JRK: variants seen among roughly 807,000 people sequenced by gnomAD.
JRK encodes Jrk helix-turn-helix protein.
For missense variants in JRK, 720 were observed against 509.2 expected, an observed-to-expected ratio of 1.41 and a Z score of -3.98; for synonymous variants, 303 against 218.1, an observed-to-expected ratio of 1.39 and a Z score of -3.43.
At chr8:142,649,009 G>A in the JRK span, among the ~76,000 whole-genome samples, 7 of 152,294 alleles carry the variant, frequency 4.6e-5, no homozygotes, top group African/African-American at 9.6e-5. Context: ...TGACCACCCC[G>A]CTGGATTTCA....
In JRK at chr8:142,662,754, G is replaced by A; in HGVS notation, c.*1598C>T. ...CCTTCATGAGAACAGAGGTTTCAGT[G>A]GAATCAACAGCAGACGCTGGAATGC... On this transcript the variant is annotated 3_prime_UTR_variant, in exon 2 of 2. Transcript: ENST00000612905. 1 of 985,456 alleles carries A rather than the reference G, an allele frequency of 1.0e-6. No individual in the cohort carries two copies. Among genetic ancestry groups the A allele is most frequent in the Middle Eastern group, 5.2e-4 (1 of 1,914 alleles). 61.0% of individuals were successfully genotyped at this position (985,456 alleles called of 1,614,324 possible).
At chr8:142,654,922 A>C (rs1291583412), downstream of JRK, among the ~76,000 whole-genome samples, 1 of 147,236 alleles carries the variant, frequency 6.8e-6, no homozygotes, top group African/African-American at 2.5e-5. Flanking sequence ...TCTGGAGGTC[A>C]GCTGCGGAAG....
Position 142,658,971 on chromosome 8 carries a change from A to G in JRK, c.*5381T>C, listed in dbSNP as rs782101941. 1.2e-6 allele frequency: 2 copies of G among 1,607,404 alleles called. No individual in the cohort carries two copies. Among genetic ancestry groups the G allele is most frequent in the Non-Finnish European group, 1.7e-6 (2 of 1,176,658 alleles). On this transcript the variant is annotated 3_prime_UTR_variant, in exon 2 of 2. Transcript: ENST00000612905. ...TGAAACAACAGAACTTTGCTGCTTC[A>G]TGGAGGAGCGTCAGTATGTCCACAC... is the stretch of plus-strand genomic sequence containing the variant.
rs369312503 is a variant in JRK, at chr8:142,664,512, C to G, written c.1547G>C (p.Arg516Pro). ...CFSAQEVGQL[R>P]ALRAVFRSQQ... ...GCTCCGGAACACGGCACGCAGCGCC[C>G]GCAGCTGCCCCACTTCCTGCGCACT... The change falls in exon 2 of 2, where the codon CGG becomes CCG. Residue 516 changes from arginine to proline, a missense_variant. By Grantham distance (103) the Arg-to-Pro change is moderately radical (BLOSUM62 -2). Transcript: ENST00000612905. 1 of 1,609,136 alleles carries G rather than the reference C, an allele frequency of 6.2e-7. No individual in the cohort carries two copies.
chr8:142,665,970 G>T lies in JRK; in HGVS notation c.89C>A (p.Thr30Lys). 1 of 1,075,592 alleles carries T rather than the reference G, an allele frequency of 9.3e-7. No homozygotes were observed. Among genetic ancestry groups the T allele is most frequent in the East Asian group, 2.4e-5 (1 of 42,438 alleles). The allele number at this position is 1,075,592 out of a possible 1,614,324, so 66.6% of individuals were successfully genotyped here. ...CCGGCTCTCGCCCTTCTCCAGGCGC[G>T]TGCAGATGTCAATCTTCTCCTTCAG... is the stretch of plus-strand genomic sequence containing the variant. ...LTLKEKIDICTRLEKGESRKA... is the reference protein window; with the variant it reads ...LTLKEKIDICKRLEKGESRKA... Residue 30 changes from threonine (T) to lysine (K), a missense_variant, in exon 2 of 2, where the codon ACG becomes AAG. Coordinates refer to ENST00000612905, the MANE Select transcript of JRK (RefSeq NM_003724.4).
At position 142,661,689 on chromosome 8, in the gene JRK, C is replaced by T; in HGVS notation, c.*2663G>A. On this transcript the variant is annotated 3_prime_UTR_variant, in exon 2 of 2. Transcript: ENST00000612905. ...TGCTCTGGCAAGCTCCAGGGCTTCC[C>T]AGGGGCCTCAGCAGCCCCAGAAACA... 1.0e-6 allele frequency: 1 copy of T among 985,498 alleles called. No individual in the cohort carries two copies. Among genetic ancestry groups the T allele is most frequent in the Non-Finnish European group, 1.2e-6 (1 of 829,982 alleles). 61.0% of individuals were successfully genotyped at this position (985,498 alleles called of 1,614,324 possible).
In JRK at chr8:142,664,614, C is replaced by G. The variant is rs1554635217; in HGVS notation, c.1445G>C (p.Gly482Ala). ...CGCCTGCTCCCAGGCCACCTCCTCG[C>G]CCTCACCAGGATCTCCTCTGCCGTC... ...DQDGRGDPGE[G>A]EEVAWEQAAV... The change falls in exon 2 of 2, where the codon GGC becomes GCC. Residue 482 changes from glycine to alanine, a missense_variant. By Grantham distance (60) the Gly-to-Ala change is moderately conservative. Coordinates refer to ENST00000612905, the MANE Select transcript of JRK (RefSeq NM_003724.4). 1 of 1,610,446 alleles carries G rather than the reference C, an allele frequency of 6.2e-7. No individual in the cohort carries two copies. The highest frequency in any genetic ancestry group is 1.1e-5 in the South Asian group (1 of 90,550).
At chr8:142,667,376 CT>C (rs1263797648) in intron 1 of JRK, among the ~76,000 whole-genome samples, 1 of 152,148 alleles carries the variant, frequency 6.6e-6, no homozygotes, top group African/African-American at 2.4e-5. Context: ...GCCCGCCCAC[CT>C]GGCTCCACAA....
intron 1 of JRK, among the ~76,000 whole-genome samples, chr8:142,668,355 G>A (rs75743917): frequency 0.031 from 4,791 of 152,294 alleles, 257 homozygotes; most frequent in African/African-American, 0.11. Context: ...CTCTTCCGGA[G>A]TCAGTTTCCT....
At position 142,659,013 on chromosome 8, in the gene JRK, C is replaced by T. The variant is rs1436138287; in HGVS notation, c.*5339G>A. The T allele has an allele frequency of 7.2e-6, 11 of 1,524,530 alleles. No individual in the cohort carries two copies. The highest frequency in any genetic ancestry group is 9.7e-6 in the Non-Finnish European group (11 of 1,130,648). 94.4% of individuals were successfully genotyped at this position (1,524,530 alleles called of 1,614,324 possible). ...TGTCCACACCATAGGGGTGTAGTCA[C>T]TTCCCTCTGCCAGGGAGAATGGTGG... On this transcript the variant is annotated 3_prime_UTR_variant, in exon 2 of 2. Coordinates refer to ENST00000612905, the MANE Select transcript of JRK (RefSeq NM_003724.4).
chr8:142,663,518 G>A lies in JRK; in HGVS notation c.*834C>T. On this transcript the variant is annotated 3_prime_UTR_variant, in exon 2 of 2. Coordinates refer to ENST00000612905, the MANE Select transcript of JRK (RefSeq NM_003724.4). ...AGACGTATTCATGTAAAGGCCATAAGTATGAAATTCTGGGCAACATGGTAC... is the reference window on the plus strand; with the variant it reads ...AGACGTATTCATGTAAAGGCCATAAATATGAAATTCTGGGCAACATGGTAC... 2 of 985,478 alleles carry A rather than the reference G, an allele frequency of 2.0e-6. No individual in the cohort carries two copies. Among genetic ancestry groups the A allele is most frequent in the Non-Finnish European group, 2.4e-6 (2 of 829,946 alleles). The allele number at this position is 985,478 out of a possible 1,614,324, so 61.0% of individuals were successfully genotyped here.
chr8:142,666,030 C>A lies in JRK; in HGVS notation c.29G>T (p.Ser10Ile), dbSNP rs1554636037. 6.4e-7 allele frequency: 1 copy of A among 1,568,222 alleles called. No homozygotes were observed. The stretch of plus-strand genomic sequence containing the variant: ...CACCCTCTTCCGCTTCTCCCCTCTG[C>A]TCTTCCCGGCAGCCGGCTTGGAGGC... MASKPAAGK[S>I]RGEKRKRVVL... Residue 10 changes from serine (S) to isoleucine (I), a missense_variant, in exon 2 of 2, where the codon AGC becomes ATC. Ser to Ile is a moderately radical substitution (Grantham distance 142). Transcript: ENST00000612905.
At chr8:142,666,984 G>A (rs1554636292) in intron 1 of JRK, among the ~76,000 whole-genome samples, 1 of 152,140 alleles carries the variant, frequency 6.6e-6, no homozygotes, top group African/African-American at 2.4e-5. Flanking sequence ...CAGAGGCAGG[G>A]GTGGAGGGAT....
chr8:142,669,664 G>C (rs1344812017), intron 1 of JRK, among the ~76,000 whole-genome samples: 2 of 151,846 alleles, frequency 1.3e-5, no homozygotes, highest in Non-Finnish European at 2.9e-5. Context: ...GGGTGGGTGC[G>C]GCTCGGGGGC....
rs782064831 is a variant in JRK, at chr8:142,662,291, G to A, written c.*2061C>T. 299 of 985,690 alleles carry A rather than the reference G, an allele frequency of 3.0e-4. No homozygotes were observed. Among genetic ancestry groups the A allele is most frequent in the Middle Eastern group, 5.2e-4 (1 of 1,914 alleles). 61.1% of individuals were successfully genotyped at this position (985,690 alleles called of 1,614,324 possible). On this transcript the variant is annotated 3_prime_UTR_variant, in exon 2 of 2. Transcript: ENST00000612905. ...ACTCAGGAGAGCCAGCCAGGAGCTCGGCCAGCTGGCCTGCCCATGCCCTCC... is the reference window on the plus strand; with the variant it reads ...ACTCAGGAGAGCCAGCCAGGAGCTCAGCCAGCTGGCCTGCCCATGCCCTCC...
intron 1 of JRK, among the ~76,000 whole-genome samples, chr8:142,668,504 C>G (rs1439377383): frequency 7.1e-6 from 1 of 141,502 alleles, no homozygotes; most frequent in African/African-American, 2.5e-5. Flanking sequence ...GGCAAGGCCA[C>G]AAACCACCCT....
At chr8:142,646,681 A>C in the JRK span, among the ~76,000 whole-genome samples, 2 of 152,318 alleles carry the variant, frequency 1.3e-5, no homozygotes, top group African/African-American at 4.8e-5. Context: ...GATTTTACTT[A>C]AGTTACATAA....
the JRK span, among the ~76,000 whole-genome samples, chr8:142,643,806 AAG>A: frequency 6.6e-6 from 1 of 152,228 alleles, no homozygotes; most frequent in African/African-American, 2.4e-5. Context: ...TATACATAAA[AAG>A]AGATTCTTAT....
At position 142,662,628 on chromosome 8, in the gene JRK, C is replaced by T. The variant is rs587723308; in HGVS notation, c.*1724G>A. ...ACACATGCATTCAAAGCAAGAAACACACACTTCCAGGACATAGATAGGGCT... is the reference window on the plus strand; with the variant it reads ...ACACATGCATTCAAAGCAAGAAACATACACTTCCAGGACATAGATAGGGCT... On this transcript the variant is annotated 3_prime_UTR_variant, in exon 2 of 2. Transcript: ENST00000612905. 4.7e-5 allele frequency: 46 copies of T among 985,396 alleles called. No individual in the cohort carries two copies. The African/African-American group carries it at 7.5e-4, about 16-fold the overall frequency. 61.0% of individuals were successfully genotyped at this position (985,396 alleles called of 1,614,324 possible).
Sources: gnomAD v4.1 joint callset for allele counts (sites outside exome capture counted in the v4.1 genomes callset) on GRCh38, gnomAD v4.1.1 for gene constraint, MANE v1.5 for transcripts, NCBI Gene and HGNC (gene_info 2026-07-23, HGNC 2026-07-21) for gene names.